GLDC: variants seen among roughly 807,000 people sequenced by gnomAD.
The protein encoded by GLDC is glycine dehydrogenase (decarboxylating), mitochondrial.
GLDC carries 104 observed loss-of-function variants against 121.3 expected under a neutral mutation model. The observed-to-expected ratio is 0.86, with a 90% CI of 0.73 to 1.01. GLDC has a LOEUF of 1.01. Among genes scored for constraint, GLDC ranks in the 50% least tolerant of loss-of-function variants. The probability of loss-of-function intolerance (pLI) is 0.00; values close to 1 mark genes in which losing one functional copy is unlikely to be tolerated. For missense variants in GLDC, 1,429 were observed against 1,306.6 expected (o/e 1.09, Z -1.44); for synonymous variants, 546 against 480.6 (o/e 1.14, Z -1.78).
intron 15 of GLDC, among the ~76,000 whole-genome samples, chr9:6,577,464 G>A (rs535928438): frequency 1.3e-5 from 2 of 152,160 alleles, no homozygotes; most frequent in African/African-American, 4.8e-5. Context: ...AGGAGAACCA[G>A]GTGCAAATGA....
chr9:6,585,800 G>A (rs534408388), intron 15 of GLDC, among the ~76,000 whole-genome samples: 10 of 151,990 alleles, frequency 6.6e-5, no homozygotes, highest in South Asian at 6.2e-4. Context: ...CTCACATACC[G>A]ATAACATGAT....
chr9:6,554,582 A>C, intron 19 of GLDC, 87 bp downstream of exon 19: 1 of 932,712 alleles, frequency 1.1e-6, no homozygotes, highest in South Asian at 1.4e-5. Flanking sequence ...CAACACATGA[A>C]GACTTTGATG....
intron 2 of GLDC, chr9:6,639,284 G>C: frequency 1.1e-6 from 1 of 917,020 alleles, no homozygotes; most frequent in Non-Finnish European, 1.8e-6. Flanking sequence ...ACCTTCCGGC[G>C]GTCCAAGACC....
chr9:6,555,372 G>A (rs1186839802), intron 18 of GLDC, among the ~76,000 whole-genome samples: 1 of 152,112 alleles, frequency 6.6e-6, no homozygotes, highest in Non-Finnish European at 1.5e-5. Flanking sequence ...TTTTGATGGT[G>A]ACCAAAGGTA....
At chr9:6,540,357 T>C in intron 21 of GLDC, 2 of 552,538 alleles carry the variant, frequency 3.6e-6, no homozygotes, top group South Asian at 4.0e-5. Flanking sequence ...ACTGTGCCGA[T>C]GTGTCTTATC....
At chr9:6,582,562 G>A (rs1396946918) in intron 15 of GLDC, among the ~76,000 whole-genome samples, 1 of 146,236 alleles carries the variant, frequency 6.8e-6, no homozygotes, top group Non-Finnish European at 1.5e-5. Flanking sequence ...GGGCGCGGTG[G>A]CTCACGCCTG....
At chr9:6,644,215 C>T (rs1404825228) in intron 2 of GLDC, among the ~76,000 whole-genome samples, 1 of 151,796 alleles carries the variant, frequency 6.6e-6, no homozygotes, top group African/African-American at 2.4e-5. Flanking sequence ...GTCACTTCCC[C>T]AGTTGCACGA....
At chr9:6,616,322 A>T (rs1563862953) in intron 3 of GLDC, among the ~76,000 whole-genome samples, 1 of 152,220 alleles carries the variant, frequency 6.6e-6, no homozygotes, top group South Asian at 2.1e-4. Context: ...CAATCCTTTC[A>T]TAAGTCCAAG....
At position 6,602,140 on chromosome 9, in the gene GLDC, T is replaced by C; in HGVS notation, c.1124A>G (p.Asp375Gly). 6.2e-7 allele frequency: 1 copy of C among 1,612,948 alleles called. No homozygotes were observed. The highest frequency in any genetic ancestry group is 8.5e-7 in the Non-Finnish European group (1 of 1,178,906). The change falls in exon 8 of 25, where the codon GAC becomes GGC. Residue 375 changes from aspartate (D) to glycine (G), a missense_variant. Coordinates refer to ENST00000321612, the MANE Select transcript of GLDC (RefSeq NM_000170.3). Reference sequence around the variant, plus strand: ...TGTACAGATGTTGCTGGTAGCCTTGTCTCTCCGAATGTGTTGCTCCCTGGT... The same window carrying C: ...TGTACAGATGTTGCTGGTAGCCTTGCCTCTCCGAATGTGTTGCTCCCTGGT... ...LQTREQHIRR[D>G]KATSNICTAQ...
At position 6,536,206 on chromosome 9, in the gene GLDC, A is replaced by G. The variant is rs1297487589; in HGVS notation, c.2696T>C (p.Val899Ala). The change falls in exon 23 of 25, where the codon GTG becomes GCG. Residue 899 changes from valine (V) to alanine (A), a missense_variant. Transcript: ENST00000321612. ...GFHAPTMSWP[V>A]AGTLMVEPTE... ...GGGCTCCACCATGAGGGTCCCTGCC[A>G]CAGGCCAGGACATGGTAGGGGCGTG... The G allele has an allele frequency of 1.2e-6, 2 of 1,613,942 alleles. No homozygotes were observed. Among genetic ancestry groups the G allele is most frequent in the Non-Finnish European group, 1.7e-6 (2 of 1,179,990 alleles).
intron 15 of GLDC, among the ~76,000 whole-genome samples, chr9:6,585,264 AAT>A (rs1437101716): frequency 1.3e-5 from 2 of 152,222 alleles, no homozygotes; most frequent in Non-Finnish European, 2.9e-5. Flanking sequence ...CCAGAATTAA[AAT>A]AGTCTTGAAA....
At chr9:6,569,488 C>T (rs1817912443) in intron 15 of GLDC, 1 of 151,908 alleles carries the variant, frequency 6.6e-6, no homozygotes, top group Non-Finnish European at 1.5e-5. Context: ...CCCATCTCTA[C>T]TAAAAGTACA....
chr9:6,560,946 G>A (rs995702976), intron 16 of GLDC, among the ~76,000 whole-genome samples: 1 of 152,236 alleles, frequency 6.6e-6, no homozygotes, highest in Non-Finnish European at 1.5e-5. Context: ...TGGGACCACA[G>A]AGGGAGCGGG....
intron 8 of GLDC, among the ~76,000 whole-genome samples, chr9:6,595,489 A>G (rs922655424): frequency 2.0e-5 from 3 of 152,242 alleles, no homozygotes; most frequent in African/African-American, 7.2e-5. Flanking sequence ...AAAAAGTGAG[A>G]TCTGAGAATT....
At chr9:6,593,208 G>C in intron 9 of GLDC, 1 of 519,178 alleles carries the variant, frequency 1.9e-6, no homozygotes, top group Non-Finnish European at 3.4e-6. Flanking sequence ...ACATACAATT[G>C]CATTACTGCG....
intron 2 of GLDC, among the ~76,000 whole-genome samples, chr9:6,625,830 GAGA>G (rs1166559073): frequency 2.0e-5 from 3 of 151,654 alleles, no homozygotes; most frequent in African/African-American, 4.8e-5. Context: ...GCCACCTCCT[GAGA>G]AGGAGTAGAT....
chr9:6,605,925 T>A (rs1818721145), intron 5 of GLDC: 1 of 161,132 alleles, frequency 6.2e-6, no homozygotes, highest in Non-Finnish European at 1.4e-5. Context: ...ACACAAAATC[T>A]TAACAGTTGT....
chr9:6,588,588 G>C, intron 13 of GLDC, 30 bp downstream of exon 13: 1 of 1,558,038 alleles, frequency 6.4e-7, no homozygotes, highest in Non-Finnish European at 8.9e-7. Context: ...GGGTAGCTTG[G>C]AAATGAGAAA....
At chr9:6,572,480 G>T (rs1385143960) in intron 15 of GLDC, among the ~76,000 whole-genome samples, 7 of 152,136 alleles carry the variant, frequency 4.6e-5, no homozygotes, top group African/African-American at 7.2e-5. Flanking sequence ...CCTCTTTTGT[G>T]TGAGTCTATG....
Sources: allele counts gnomAD v4.1 joint callset (sites outside exome capture counted in the v4.1 genomes callset), GRCh38; gene constraint gnomAD v4.1.1; transcripts MANE v1.5; gene names NCBI Gene and HGNC (gene_info 2026-07-23, HGNC 2026-07-21).